Variants in WDR7 observed in about 807,000 individuals in gnomAD.
WDR7 encodes WD repeat-containing protein 7.
Under a neutral mutation model 169.4 loss-of-function variants are expected in WDR7, and 46 were observed. That is an observed-to-expected ratio of 0.27 (90% CI 0.21 to 0.35). The LOEUF (loss-of-function observed/expected upper bound fraction) is 0.35. Among genes scored for constraint, WDR7 ranks in the 10% least tolerant of loss-of-function variants. The pLI is 1.00. For synonymous variants in WDR7, 612 were observed against 666.8 expected (o/e 0.92, Z 1.27); for missense variants, 1,534 against 1,859.3 (o/e 0.83, Z 3.22).
At chr18:56,984,401 A>C (rs1403501514) in intron 26 of WDR7, among the ~76,000 whole-genome samples, 1 of 152,174 alleles carries the variant, frequency 6.6e-6, no homozygotes. Flanking sequence ...CCTTTTTTGG[A>C]AACAAAGTTA....
At chr18:56,965,002 G>A (rs1407493330) in intron 26 of WDR7, among the ~76,000 whole-genome samples, 1 of 152,156 alleles carries the variant, frequency 6.6e-6, no homozygotes, top group Non-Finnish European at 1.5e-5. Flanking sequence ...TTCATAGTAT[G>A]GGTAGCATGT....
At chr18:56,782,349 A>G (rs912065430) in intron 19 of WDR7, among the ~76,000 whole-genome samples, 9 of 152,046 alleles carry the variant, frequency 5.9e-5, no homozygotes, top group South Asian at 4.1e-4. Context: ...ATATTTTTCT[A>G]AAAACAGTTT....
At chr18:56,843,268 T>C (rs2045514560) in intron 20 of WDR7, among the ~76,000 whole-genome samples, 2 of 152,192 alleles carry the variant, frequency 1.3e-5, no homozygotes, top group African/African-American at 4.8e-5. Context: ...AAATCAGCGG[T>C]GTTAAGTATG....
intron 16 of WDR7, among the ~76,000 whole-genome samples, chr18:56,772,238 A>G (rs2044176303): frequency 6.6e-6 from 1 of 152,186 alleles, no homozygotes; most frequent in Admixed American, 6.5e-5. Flanking sequence ...GTTTTGCAAG[A>G]TGTGCTCCAT....
chr18:56,723,144 G>A lies in WDR7; in HGVS notation c.1774+4985G>A, dbSNP rs1347196779. Among the ~76,000 whole-genome samples the A allele has an allele frequency of 2.0e-5, 3 of 151,428 alleles. No individual in the cohort carries two copies. The East Asian group carries it at 5.8e-4, about 29-fold the overall frequency. On this transcript the variant is annotated intron_variant, in intron 13 of 27. Coordinates refer to ENST00000254442, the MANE Select transcript of WDR7 (RefSeq NM_015285.3). Reference sequence around the variant, plus strand: ...AATTGGGTCACTCCCAATTCTTCTTGCTAGTGTCATCCATATTGTTTTCGT... The same window carrying A: ...AATTGGGTCACTCCCAATTCTTCTTACTAGTGTCATCCATATTGTTTTCGT...
At chr18:56,900,498 T>TA (rs778115891) in intron 21 of WDR7, among the ~76,000 whole-genome samples, 7 of 151,728 alleles carry the variant, frequency 4.6e-5, no homozygotes, top group Non-Finnish European at 1.0e-4. Flanking sequence ...CTAAAAGAGG[T>TA]AAAAAGAGAC....
At chr18:56,829,272 TAAAC>T (rs745553185) in intron 20 of WDR7, among the ~76,000 whole-genome samples, 111 of 148,888 alleles carry the variant, frequency 7.5e-4, no homozygotes, top group Admixed American at 2.8e-3. Flanking sequence ...AAAAAAATAA[TAAAC>T]AAACCCCAAC....
At chr18:56,773,837 G>T (rs1051256167) in intron 16 of WDR7, among the ~76,000 whole-genome samples, 1 of 152,024 alleles carries the variant, frequency 6.6e-6, no homozygotes, top group African/African-American at 2.4e-5. Context: ...TGTTAAGTAC[G>T]TGGTGGTTAA....
chr18:56,827,059 A>T (rs1226197000), intron 20 of WDR7, among the ~76,000 whole-genome samples: 1 of 152,210 alleles, frequency 6.6e-6, no homozygotes, highest in Non-Finnish European at 1.5e-5. Flanking sequence ...GTAAGAGGTA[A>T]GCCTGCGCTT....
chr18:56,783,109 A>G (rs2044344151), intron 19 of WDR7, among the ~76,000 whole-genome samples: 1 of 151,918 alleles, frequency 6.6e-6, no homozygotes, highest in East Asian at 1.9e-4. Context: ...TAGTGAATAT[A>G]GGTTATCATT....
At chr18:56,851,264 ATG>A (rs983436714) in intron 20 of WDR7, among the ~76,000 whole-genome samples, 14 of 152,184 alleles carry the variant, frequency 9.2e-5, no homozygotes, top group African/African-American at 3.4e-4. Context: ...TTCTCCAAAC[ATG>A]TCTTAGTCTT....
At chr18:56,911,946 C>G (rs1318127593) in intron 21 of WDR7, among the ~76,000 whole-genome samples, 1 of 151,702 alleles carries the variant, frequency 6.6e-6, no homozygotes, top group East Asian at 1.9e-4. Flanking sequence ...ATTCTTAACT[C>G]TCTACATTAG....
intron 21 of WDR7, among the ~76,000 whole-genome samples, chr18:56,889,850 A>G (rs1427241054): frequency 1.3e-5 from 2 of 152,204 alleles, no homozygotes; most frequent in African/African-American, 4.8e-5. Flanking sequence ...GCATAGACAT[A>G]AAAAATTCAC....
chr18:56,680,948 G>A (rs1330579639), intron 3 of WDR7, among the ~76,000 whole-genome samples: 1 of 152,108 alleles, frequency 6.6e-6, no homozygotes, highest in Non-Finnish European at 1.5e-5. Flanking sequence ...TTACTTTGAG[G>A]TTCAGAGTGA....
rs559489449 is a variant in WDR7, at chr18:56,985,911, C to T, written c.4164+23382C>T. Among the ~76,000 whole-genome samples the T allele has an allele frequency of 1.1e-3, 169 of 151,940 alleles. 1 individual carries two copies. Among genetic ancestry groups the T allele is most frequent in the Admixed American group, 2.7e-3 (41 of 15,260 alleles). ...TTTTCATGTATATTAACTGCTGTTA[C>T]TATAGGAAAGGCAATATAGCTCAAA... On this transcript the variant is annotated intron_variant, in intron 26 of 27. Coordinates refer to ENST00000254442, the MANE Select transcript of WDR7 (RefSeq NM_015285.3).
Position 56,695,095 on chromosome 18 carries a change from T to C in WDR7, c.1254T>C (p.His418=). 2 of 1,614,182 alleles carry C rather than the reference T, an allele frequency of 1.2e-6. No homozygotes were observed. The highest frequency in any genetic ancestry group is 2.2e-5 in the East Asian group (1 of 44,876). Residue 418 remains histidine, a synonymous_variant, in exon 11 of 28, where the codon CAT becomes CAC. Coordinates refer to ENST00000254442, the MANE Select transcript of WDR7 (RefSeq NM_015285.3). ...KVTASVYIPA[H]GRLVCGREDG... is the part of the protein sequence containing the mutation. ...CTGCAAGTGTGTACATACCAGCACATGGACGACTTGTTTGTGGTCGTGAAG... is the reference window on the plus strand; with the variant it reads ...CTGCAAGTGTGTACATACCAGCACACGGACGACTTGTTTGTGGTCGTGAAG...
intron 4 of WDR7, among the ~76,000 whole-genome samples, chr18:56,682,366 A>G (rs1325591578): frequency 6.6e-6 from 1 of 152,202 alleles, no homozygotes; most frequent in Non-Finnish European, 1.5e-5. Context: ...AATTTATTCA[A>G]CAGTTCTGTT....
At chr18:56,988,726 G>A (rs901325652) in intron 26 of WDR7, among the ~76,000 whole-genome samples, 4 of 151,662 alleles carry the variant, frequency 2.6e-5, no homozygotes, top group Admixed American at 1.3e-4. Context: ...AAGCATGGTT[G>A]TGCTTTAATT....
At chr18:56,986,816 T>C (rs940236076) in intron 26 of WDR7, among the ~76,000 whole-genome samples, 12 of 152,102 alleles carry the variant, frequency 7.9e-5, no homozygotes, top group African/African-American at 2.9e-4. Flanking sequence ...TTGAATCTCC[T>C]CATCATTTTT....
Sources: allele counts gnomAD v4.1 joint callset (sites outside exome capture counted in the v4.1 genomes callset), GRCh38; gene constraint gnomAD v4.1.1; transcripts MANE v1.5; gene names NCBI Gene and HGNC (gene_info 2026-07-23, HGNC 2026-07-21).